The following STARD13 variants were observed in gnomAD, a reference collection of about 807,000 sequenced individuals.
The protein encoded by STARD13 is stAR-related lipid transfer protein 13.
Under a neutral mutation model 106.4 loss-of-function variants are expected in STARD13, and 62 were observed. The ratio of observed to expected loss-of-function variants is 0.58; its 90% CI spans 0.48 to 0.72. The LOEUF is 0.72. STARD13 is among the 30% of genes least tolerant of loss of function. The pLI, the probability that STARD13 is intolerant of heterozygous loss-of-function variation, is 0.00. For synonymous variants in STARD13, 565 were observed against 553.0 expected (o/e 1.02, Z -0.31); for missense variants, 1,387 against 1,424.0 (o/e 0.97, Z 0.42).
chr13:33,466,648 C>T, the STARD13 span, among the ~76,000 whole-genome samples: 2 of 152,028 alleles, frequency 1.3e-5, no homozygotes, highest in Admixed American at 1.3e-4. Flanking sequence ...TCTTACTGAA[C>T]TTTAATGTAT....
At chr13:33,458,264 TTTGTTTTTTG>T in the STARD13 span, among the ~76,000 whole-genome samples, 2 of 147,626 alleles carry the variant, frequency 1.4e-5, no homozygotes, top group African/African-American at 5.2e-5. Flanking sequence ...TTTTTGTTTG[TTTGTTTTTTG>T]TTGTTTTTTT....
intron 1 of STARD13, among the ~76,000 whole-genome samples, chr13:33,221,000 C>T (rs934089039): frequency 2.0e-5 from 3 of 152,092 alleles, no homozygotes; most frequent in South Asian, 2.1e-4. Flanking sequence ...GTTAACTTAC[C>T]CCCATATCCA....
chr13:33,357,560 T>C, the STARD13 span, among the ~76,000 whole-genome samples: 143 of 152,314 alleles, frequency 9.4e-4, no homozygotes, highest in African/African-American at 3.0e-3. Flanking sequence ...AGCTACTCTT[T>C]AGAAAAACAA....
intron 1 of STARD13, among the ~76,000 whole-genome samples, chr13:33,182,853 A>G (rs1885375867): frequency 6.6e-6 from 1 of 152,118 alleles, no homozygotes; most frequent in Admixed American, 6.5e-5. Context: ...TCTCCCTGTC[A>G]CCTGCAGAAT....
intron 8 of STARD13, among the ~76,000 whole-genome samples, chr13:33,117,202 G>C (rs1163884672): frequency 6.6e-6 from 1 of 152,136 alleles, no homozygotes; most frequent in Non-Finnish European, 1.5e-5. Flanking sequence ...TCCGTCTCCT[G>C]GGTTCAAGTG....
intron 1 of STARD13, among the ~76,000 whole-genome samples, chr13:33,325,765 C>T (rs149042222): frequency 0.018 from 2,796 of 152,006 alleles, 84 homozygotes; most frequent in African/African-American, 0.063. Flanking sequence ...GAGGCCGAGG[C>T]GGACGGATCA....
chr13:33,377,326 G>T, the STARD13 span, among the ~76,000 whole-genome samples: 2 of 152,034 alleles, frequency 1.3e-5, no homozygotes, highest in South Asian at 2.1e-4. Flanking sequence ...ATTTTACTTT[G>T]TGTCTTCTTT....
intron 1 of STARD13, among the ~76,000 whole-genome samples, chr13:33,299,800 G>A (rs748971967): frequency 6.3e-4 from 96 of 152,254 alleles, no homozygotes; most frequent in Non-Finnish European, 1.2e-3. Flanking sequence ...TTGGTGCTTG[G>A]AATGCATCAA....
At chr13:33,470,208 T>A in the STARD13 span, among the ~76,000 whole-genome samples, 252 of 152,290 alleles carry the variant, frequency 1.7e-3, 1 homozygote, top group African/African-American at 4.5e-3. Flanking sequence ...TACATCCATG[T>A]CCCTGCAGAG....
At chr13:33,493,728 T>C in the STARD13 span, among the ~76,000 whole-genome samples, 201 of 152,282 alleles carry the variant, frequency 1.3e-3, 4 homozygotes, top group African/African-American at 4.5e-3. Flanking sequence ...TATAAAACAA[T>C]GCATATCCAA....
intron 1 of STARD13, among the ~76,000 whole-genome samples, chr13:33,230,805 CT>C (rs1390791625): frequency 2.8e-4 from 42 of 152,158 alleles, no homozygotes; most frequent in Admixed American, 2.7e-3. Context: ...TTAAGTACCC[CT>C]GATGTGCAAA....
chr13:33,267,245 A>G (rs958315925), intron 1 of STARD13, among the ~76,000 whole-genome samples: 3 of 152,210 alleles, frequency 2.0e-5, no homozygotes, highest in African/African-American at 4.8e-5. Context: ...ATAAAAGGGC[A>G]AAAACTGATG....
chr13:33,491,457 T>C, the STARD13 span, among the ~76,000 whole-genome samples: 2 of 152,256 alleles, frequency 1.3e-5, no homozygotes, highest in Admixed American at 6.5e-5. Context: ...TCTTTGTTTT[T>C]TTCTTTTTAA....
At position 33,118,804 on chromosome 13, in the gene STARD13, G is replaced by A. The variant is rs115779601; in HGVS notation, c.2083-541C>T. ...CAGGGGAGAGTTTTATGGGGAATAT[G>A]TTCATGAAACAGACTAATATCATAA... On this transcript the variant is annotated intron_variant, in intron 7 of 13. Transcript: ENST00000336934. 6.4e-3 allele frequency among the ~76,000 whole-genome samples: 977 copies of A among 152,272 alleles called. 10 individuals are homozygous for A. Among genetic ancestry groups the A allele is most frequent in the African/African-American group, 0.023 (938 of 41,532 alleles).
intron 1 of STARD13, among the ~76,000 whole-genome samples, chr13:33,170,368 G>C (rs931622603): frequency 6.6e-6 from 1 of 152,202 alleles, no homozygotes; most frequent in Non-Finnish European, 1.5e-5. Context: ...TGGTTGGACA[G>C]TGCAATGGGG....
chr13:33,497,493 T>C, the STARD13 span, among the ~76,000 whole-genome samples: 1 of 152,088 alleles, frequency 6.6e-6, no homozygotes, highest in East Asian at 1.9e-4. Flanking sequence ...AGTAAACAGG[T>C]GGTAGTATGA....
chr13:33,657,813 A>G, the STARD13 span, among the ~76,000 whole-genome samples: 1 of 152,218 alleles, frequency 6.6e-6, no homozygotes, highest in African/African-American at 2.4e-5. Flanking sequence ...TACCACTTAC[A>G]CTAGTAAATC....
intron 1 of STARD13, among the ~76,000 whole-genome samples, chr13:33,255,101 C>A (rs866523215): frequency 1.4e-5 from 2 of 143,264 alleles, no homozygotes; most frequent in African/African-American, 2.6e-5. Flanking sequence ...TGTGTGCTCC[C>A]CCCCCCCTCA....
At chr13:33,284,239 A>G (rs1048311285) in intron 1 of STARD13, among the ~76,000 whole-genome samples, 1 of 152,240 alleles carries the variant, frequency 6.6e-6, no homozygotes, top group Non-Finnish European at 1.5e-5. Context: ...TCCTTCACAC[A>G]TAACTAGTTC....
Sources: allele counts gnomAD v4.1 joint callset (sites outside exome capture counted in the v4.1 genomes callset), GRCh38; gene constraint gnomAD v4.1.1; transcripts MANE v1.5; gene names NCBI Gene and HGNC (gene_info 2026-07-23, HGNC 2026-07-21).